The following ATXN7L1 variants were observed in gnomAD, a reference collection of about 807,000 sequenced individuals.
ATXN7L1 encodes the protein ataxin-7-like protein 1.
ATXN7L1 carries 15 observed loss-of-function variants against 70.8 expected under a neutral mutation model. The ratio of observed to expected loss-of-function variants is 0.21; its 90% CI spans 0.14 to 0.33. The LOEUF is 0.33. Ranked by LOEUF, ATXN7L1 falls within the 10% of genes least tolerant of loss-of-function variation. The pLI is 1.00. For missense variants in ATXN7L1, 975 were observed against 1,097.1 expected, an observed-to-expected ratio of 0.89 and a Z score of 1.57; for synonymous variants, 440 against 445.1, an observed-to-expected ratio of 0.99 and a Z score of 0.14.
intron 2 of ATXN7L1, among the ~76,000 whole-genome samples, chr7:105,816,650 C>G (rs1226798920): frequency 6.6e-6 from 1 of 152,254 alleles, no homozygotes; most frequent in Non-Finnish European, 1.5e-5. Context: ...ATACCTGTTC[C>G]TGGCCCAAGT....
intron 3 of ATXN7L1, among the ~76,000 whole-genome samples, chr7:105,682,034 G>A (rs984644818): frequency 1.8e-4 from 28 of 152,152 alleles, no homozygotes; most frequent in African/African-American, 6.8e-4. Context: ...AGAGCAGCCT[G>A]AGTAATATGG....
rs1796901858 is a variant in ATXN7L1 at position 105,733,589 on chromosome 7, TCCATCCATCCATCCAC to T, written c.355+54999_355+55014del. 9.2e-5 allele frequency among the ~76,000 whole-genome samples: 10 copies of T among 108,394 alleles called. 2 individuals are homozygous for T. In the East Asian group the frequency reaches 2.9e-3, roughly 32 times the overall value. 71.1% of individuals were successfully genotyped at this position (108,394 alleles called of 152,430 possible). On this transcript the variant is annotated intron_variant, in intron 3 of 11. Coordinates refer to ENST00000419735, the MANE Select transcript of ATXN7L1 (RefSeq NM_020725.2). ...ATCCTTCCATCCATCCACCCATCCA[TCCATCCATCCATCCAC>T]CCATCCATCCATCCATCCATCCATC...
At chr7:105,839,389 C>A (rs1812877325) in intron 2 of ATXN7L1, among the ~76,000 whole-genome samples, 1 of 152,214 alleles carries the variant, frequency 6.6e-6, no homozygotes, top group South Asian at 2.1e-4. Flanking sequence ...CTCTTTACTG[C>A]CTTCACTCCC....
At chr7:105,712,368 AG>A (rs1316383631) in intron 3 of ATXN7L1, among the ~76,000 whole-genome samples, 5 of 152,210 alleles carry the variant, frequency 3.3e-5, no homozygotes, top group Non-Finnish European at 5.9e-5. Flanking sequence ...ATTTCTCCCC[AG>A]AAAAATGGCT....
intron 2 of ATXN7L1, among the ~76,000 whole-genome samples, chr7:105,827,723 A>C (rs530745745): frequency 1.3e-5 from 2 of 152,304 alleles, no homozygotes; most frequent in Non-Finnish European, 2.9e-5. Flanking sequence ...TTTTTTCAAC[A>C]ACCCTATGAA....
chr7:105,672,290 C>A (rs1803873694), intron 3 of ATXN7L1, among the ~76,000 whole-genome samples: 1 of 151,562 alleles, frequency 6.6e-6, no homozygotes, highest in African/African-American at 2.4e-5. Context: ...CGTCCCCTGC[C>A]CCCCCCAAAA....
chr7:105,638,878 TCTCTGATGAAAGG>T (rs1289860472), intron 6 of ATXN7L1, among the ~76,000 whole-genome samples: 1 of 151,970 alleles, frequency 6.6e-6, no homozygotes, highest in Non-Finnish European at 1.5e-5. Flanking sequence ...CATGAAAACC[TCTCTGATGAAAGG>T]CAACTGCGAG....
At chr7:105,668,515 A>G (rs760532263) in intron 3 of ATXN7L1, among the ~76,000 whole-genome samples, 1 of 152,126 alleles carries the variant, frequency 6.6e-6, no homozygotes, top group East Asian at 1.9e-4. Context: ...TGGGAGAATC[A>G]AGGCTGAAGA....
Position 105,614,598 on chromosome 7 carries a change from G to C in ATXN7L1, c.1736C>G (p.Ser579Cys), listed in dbSNP as rs1175763573. 1 of 1,551,910 alleles carries C rather than the reference G, an allele frequency of 6.4e-7. No homozygotes were observed. Among genetic ancestry groups the C allele is most frequent in the Non-Finnish European group, 8.7e-7 (1 of 1,146,996 alleles). ...CACATGAGGGAAAGCTGTGGTGTGG[G>C]ACATGAGGGCGCTCGGGTCCGGCGA... ...VTSPDPSALM[S>C]HTTAFPHVAA... The change falls in exon 10 of 12, where the codon TCC (serine) becomes TGC (cysteine). Residue 579 changes from serine to cysteine, a missense_variant. By Grantham distance (112) the Ser-to-Cys change is moderately radical (BLOSUM62 -1). Coordinates refer to ENST00000419735, the MANE Select transcript of ATXN7L1 (RefSeq NM_020725.2). The surrounding 1 kb of genome is among the most constrained non-coding windows in gnomAD (Gnocchi z 4.3).
In ATXN7L1 at chr7:105,716,665, GCACACACACACACACACA is replaced by G. The variant is rs58217531; in HGVS notation, c.356-51395_356-51378del. Among the ~76,000 whole-genome samples the G allele has an allele frequency of 1.1e-3, 137 of 125,604 alleles. 1 individual carries two copies. In the East Asian group the frequency reaches 0.016, roughly 15 times the overall value. The allele number at this position is 125,604 out of a possible 152,430, so 82.4% of individuals were successfully genotyped here. A position where few individuals can be genotyped will look rare whatever the true frequency, so the allele number is the denominator to read the frequency against. ...GGCAACATGGCGAAAACCTATCTCT[GCACACACACACACACACA>G]CACACACACACACACACACACACAC... On this transcript the variant is annotated intron_variant, in intron 3 of 11. Transcript: ENST00000419735.
intron 3 of ATXN7L1, among the ~76,000 whole-genome samples, chr7:105,732,838 A>G (rs1563047564): frequency 6.6e-6 from 1 of 152,158 alleles, no homozygotes. Flanking sequence ...CTGTTCCTCA[A>G]ACCCACCAAG....
chr7:105,703,359 T>A (rs1017761357), intron 3 of ATXN7L1, among the ~76,000 whole-genome samples: 1 of 151,136 alleles, frequency 6.6e-6, no homozygotes, highest in Non-Finnish European at 1.5e-5. Context: ...TTTGTGGAAG[T>A]TAGTCTAGGC....
At chr7:105,871,668 C>A (rs1005285605) in intron 2 of ATXN7L1, among the ~76,000 whole-genome samples, 1 of 151,360 alleles carries the variant, frequency 6.6e-6, no homozygotes, top group African/African-American at 2.4e-5. Context: ...CAAGATCATG[C>A]CATTGCACTC....
At chr7:105,682,522 C>T (rs1335591043) in intron 3 of ATXN7L1, among the ~76,000 whole-genome samples, 1 of 152,116 alleles carries the variant, frequency 6.6e-6, no homozygotes, top group Non-Finnish European at 1.5e-5. Flanking sequence ...AAATTGGAAA[C>T]AACCCAAACG....
chr7:105,656,863 G>A (rs655770), intron 4 of ATXN7L1, among the ~76,000 whole-genome samples: 2,813 of 152,188 alleles, frequency 0.018, 75 homozygotes, highest in African/African-American at 0.064. Flanking sequence ...CCACCACGCC[G>A]GCCTCCCCCT....
intron 11 of ATXN7L1, among the ~76,000 whole-genome samples, chr7:105,609,136 T>A (rs1043429977): frequency 4.0e-5 from 6 of 151,868 alleles, no homozygotes; most frequent in African/African-American, 1.5e-4. Flanking sequence ...TTTGAGAGAG[T>A]GCTGATGGAC....
chr7:105,697,769 A>C (rs1164559351), intron 3 of ATXN7L1, among the ~76,000 whole-genome samples: 10 of 152,220 alleles, frequency 6.6e-5, no homozygotes, highest in Admixed American at 5.9e-4. Flanking sequence ...AAAAGTATTA[A>C]TTTGGGGAAG....
chr7:105,802,275 T>C (rs931440947), intron 2 of ATXN7L1, among the ~76,000 whole-genome samples: 1 of 151,894 alleles, frequency 6.6e-6, no homozygotes, highest in Non-Finnish European at 1.5e-5. Context: ...AGTAAACCGA[T>C]CTATAATATG....
intron 2 of ATXN7L1, among the ~76,000 whole-genome samples, chr7:105,851,029 G>A (rs1814801668): frequency 1.3e-5 from 2 of 151,970 alleles, no homozygotes; most frequent in South Asian, 4.2e-4. Context: ...CCCTCCCCTT[G>A]CTCTCAAATT....
Sources: gnomAD v4.1 joint callset for allele counts (sites outside exome capture counted in the v4.1 genomes callset) on GRCh38, gnomAD v4.1.1 for gene constraint, Gnocchi (gnomAD v3.1) non-coding constraint, MANE v1.5 for transcripts, NCBI Gene and HGNC (gene_info 2026-07-23, HGNC 2026-07-21) for gene names.